Variants in SLC2A13 observed in about 807,000 individuals in gnomAD.
SLC2A13 encodes proton myo-inositol cotransporter.
A neutral mutation model predicts 64.4 loss-of-function variants in SLC2A13; 32 were observed. The observed-to-expected ratio is 0.50, with a 90% CI of 0.37 to 0.67. The LOEUF (loss-of-function observed/expected upper bound fraction) is 0.67, where lower values mean the gene tolerates loss of function less well. Among genes scored for constraint, SLC2A13 ranks in the 30% least tolerant of loss-of-function variants. SLC2A13 has a pLI of 0.00. For synonymous variants in SLC2A13, 338 were observed against 327.1 expected (o/e 1.03, Z -0.36); for missense variants, 743 against 829.2 (o/e 0.90, Z 1.28).
chr12:39,861,618 A>G (rs1943760790), intron 6 of SLC2A13, among the ~76,000 whole-genome samples: 1 of 152,206 alleles, frequency 6.6e-6, no homozygotes, highest in Non-Finnish European at 1.5e-5. Context: ...GGAATAGAAC[A>G]TTAGTAATTT....
chr12:39,846,542 T>A (rs1258704189), intron 6 of SLC2A13, among the ~76,000 whole-genome samples: 5 of 152,132 alleles, frequency 3.3e-5, no homozygotes, highest in Admixed American at 3.3e-4. Flanking sequence ...ACTTCTGCCT[T>A]CCAGGCTCAA....
chr12:40,039,132 C>T (rs1420610304), intron 2 of SLC2A13, among the ~76,000 whole-genome samples: 1 of 152,194 alleles, frequency 6.6e-6, no homozygotes. Context: ...ATAAACTACA[C>T]ATTTTGTATC....
At chr12:39,782,411 G>A (rs1328486523) in intron 7 of SLC2A13, among the ~76,000 whole-genome samples, 1 of 152,128 alleles carries the variant, frequency 6.6e-6, no homozygotes, top group Non-Finnish European at 1.5e-5. Context: ...GGGTTTGTCA[G>A]GGGTTTCTCC....
intron 3 of SLC2A13, among the ~76,000 whole-genome samples, chr12:39,952,678 T>C (rs1309670152): frequency 6.6e-6 from 1 of 152,174 alleles, no homozygotes; most frequent in African/African-American, 2.4e-5. Flanking sequence ...GCGTTGATGG[T>C]CATTCAAAGC....
chr12:39,932,559 C>T (rs1945845253), intron 4 of SLC2A13, among the ~76,000 whole-genome samples: 1 of 152,154 alleles, frequency 6.6e-6, no homozygotes, highest in South Asian at 2.1e-4. Context: ...GATGGGGGCT[C>T]TACCCATGGA....
intron 5 of SLC2A13, among the ~76,000 whole-genome samples, chr12:39,871,523 T>C (rs1033444149): frequency 6.6e-6 from 1 of 152,216 alleles, no homozygotes; most frequent in South Asian, 2.1e-4. Flanking sequence ...TTTTGTACCT[T>C]TGAGTGGAAC....
intron 2 of SLC2A13, among the ~76,000 whole-genome samples, chr12:40,044,793 T>C (rs575056692): frequency 8.5e-5 from 13 of 152,326 alleles, no homozygotes; most frequent in Non-Finnish European, 1.5e-4. Context: ...CTAAATTGCT[T>C]TTCTGTCAAT....
rs376912091 is a variant in SLC2A13, at chr12:39,985,050, C to T, written c.926-33685G>A. On this transcript the variant is annotated intron_variant, in intron 3 of 9. Transcript: ENST00000280871. ...GTTACCTATACTTAAGTTACTCACA[C>T]ATATGGGGGAGGGATATATGCAAAC... 7.2e-5 allele frequency among the ~76,000 whole-genome samples: 11 copies of T among 152,224 alleles called. No homozygotes were observed. In the East Asian group the frequency reaches 1.9e-3, roughly 27 times the overall value.
chr12:40,091,374 T>C (rs1429081954), intron 1 of SLC2A13, among the ~76,000 whole-genome samples: 3 of 152,216 alleles, frequency 2.0e-5, no homozygotes, highest in Non-Finnish European at 4.4e-5. Context: ...AATTTACTTA[T>C]GTTGACACTA....
intron 1 of SLC2A13, among the ~76,000 whole-genome samples, chr12:40,058,467 T>A (rs1449008947): frequency 6.6e-6 from 1 of 152,176 alleles, no homozygotes; most frequent in Admixed American, 6.6e-5. Context: ...AGTCTGTTTT[T>A]TGGAGCTCTA....
At chr12:39,900,650 C>T (rs1166509164) in intron 4 of SLC2A13, among the ~76,000 whole-genome samples, 3 of 152,116 alleles carry the variant, frequency 2.0e-5, no homozygotes, top group Non-Finnish European at 4.4e-5. Flanking sequence ...AGGACCTCTT[C>T]AAGGAGAACC....
intron 7 of SLC2A13, among the ~76,000 whole-genome samples, chr12:39,797,777 T>C (rs879308366): frequency 1.9e-3 from 255 of 135,152 alleles, no homozygotes; most frequent in Non-Finnish European, 3.0e-3. Context: ...CACACACACA[T>C]ACACGGATGC....
intron 4 of SLC2A13, among the ~76,000 whole-genome samples, chr12:39,922,568 C>G (rs1267731441): frequency 1.3e-5 from 2 of 152,154 alleles, no homozygotes; most frequent in African/African-American, 4.8e-5. Flanking sequence ...TGGGGAGAAA[C>G]AAAGTCCTGA....
chr12:40,078,660 G>C (rs1007210391), intron 1 of SLC2A13, among the ~76,000 whole-genome samples: 1 of 152,164 alleles, frequency 6.6e-6, no homozygotes, highest in Non-Finnish European at 1.5e-5. Flanking sequence ...ATGAGTCAGA[G>C]AGGAGTCCCT....
chr12:40,008,217 C>T (rs1162831529), intron 3 of SLC2A13, among the ~76,000 whole-genome samples: 5 of 152,080 alleles, frequency 3.3e-5, no homozygotes, highest in African/African-American at 1.2e-4. Context: ...AAAAGTAGAA[C>T]AGAGAAGCCA....
chr12:39,831,593 C>G (rs1301390186), intron 6 of SLC2A13, among the ~76,000 whole-genome samples: 2 of 151,974 alleles, frequency 1.3e-5, no homozygotes, highest in Non-Finnish European at 2.9e-5. Context: ...TGGTCCTTTC[C>G]AAATCTCATC....
At chr12:39,835,028 G>C (rs993912369) in intron 6 of SLC2A13, among the ~76,000 whole-genome samples, 1 of 152,040 alleles carries the variant, frequency 6.6e-6, no homozygotes. Context: ...AACGTGGCCT[G>C]ATGAATTTCG....
At chr12:39,917,529 A>G (rs1295084957) in intron 4 of SLC2A13, among the ~76,000 whole-genome samples, 1 of 152,218 alleles carries the variant, frequency 6.6e-6, no homozygotes, top group South Asian at 2.1e-4. Flanking sequence ...ATTGCCCTCC[A>G]TGGTGGGCAT....
chr12:39,791,190 C>T (rs1047647036), intron 7 of SLC2A13, among the ~76,000 whole-genome samples: 5 of 151,510 alleles, frequency 3.3e-5, no homozygotes, highest in African/African-American at 1.2e-4. Flanking sequence ...ATGCTAAAAA[C>T]TCTCAATAAA....
Sources: gnomAD v4.1 joint callset for allele counts (sites outside exome capture counted in the v4.1 genomes callset) on GRCh38, gnomAD v4.1.1 for gene constraint, MANE v1.5 for transcripts, NCBI Gene and HGNC (gene_info 2026-07-23, HGNC 2026-07-21) for gene names.